MILR1: variants seen among roughly 807,000 people sequenced by gnomAD.
MILR1 encodes the protein mast cell immunoglobulin like receptor 1.
In MILR1, 31 loss-of-function variants were observed where a neutral mutation model predicts 18.5. The ratio of observed to expected loss-of-function variants is 1.68; its 90% CI spans 1.26 to 2.26. MILR1 has a LOEUF of 2.26. Among genes scored for constraint, MILR1 ranks in the 30% most tolerant of loss-of-function variants. MILR1 has a pLI of 0.00. For synonymous variants in MILR1, 85 were observed against 56.2 expected (o/e 1.51, Z -2.30); for missense variants, 257 against 157.4 (o/e 1.63, Z -3.38).
chr17:64,480,299 G>A, the MILR1 span: 239 of 1,522,862 alleles, frequency 1.6e-4, 1 homozygote, highest in East Asian at 4.6e-3. Context: ...TTCGAATAAA[G>A]TTGTTCCAAT....
chr17:64,469,868 T>C (rs1475930092), downstream of MILR1, among the ~76,000 whole-genome samples: 4 of 152,154 alleles, frequency 2.6e-5, no homozygotes, highest in African/African-American at 9.7e-5. Context: ...CCTGTCAGGC[T>C]CTACTGAGAC....
the MILR1 span, among the ~76,000 whole-genome samples, chr17:64,479,897 C>T: frequency 0.28 from 42,127 of 152,066 alleles, 11,244 homozygotes; most frequent in African/African-American, 0.7. Flanking sequence ...TAGAACAGAC[C>T]ATCCCTCCAG....
chr17:64,481,406 C>T, the MILR1 span: 12 of 985,246 alleles, frequency 1.2e-5, no homozygotes, highest in Admixed American at 6.1e-4. Flanking sequence ...TGGGCTGGGT[C>T]TCAATCACCC....
chr17:64,458,754 T>C (rs1436977524), intron 4 of MILR1, among the ~76,000 whole-genome samples: 2 of 151,874 alleles, frequency 1.3e-5, no homozygotes, highest in Admixed American at 6.6e-5. Flanking sequence ...ACTTTTCTGC[T>C]CCACACTCTA....
chr17:64,489,932 T>G, the MILR1 span, among the ~76,000 whole-genome samples: 4 of 140,478 alleles, frequency 2.8e-5, no homozygotes, highest in Non-Finnish European at 3.1e-5. Flanking sequence ...AATTTTTTTG[T>G]TTTTTTTTTT....
At chr17:64,463,167 A>G (rs1013019020) in intron 5 of MILR1, among the ~76,000 whole-genome samples, 15 of 152,072 alleles carry the variant, frequency 9.9e-5, no homozygotes, top group African/African-American at 3.4e-4. Flanking sequence ...CCTCAGTTAC[A>G]GCTTTTTTAA....
At chr17:64,462,084 T>G (rs1273666150) in intron 5 of MILR1, among the ~76,000 whole-genome samples, 1 of 152,186 alleles carries the variant, frequency 6.6e-6, no homozygotes, top group East Asian at 1.9e-4. Context: ...GTGAAATTAT[T>G]AATGTTTTTA....
chr17:64,467,677 G>T, intron 9 of MILR1, 32 bp downstream of exon 9: 1 of 1,383,446 alleles, frequency 7.2e-7, no homozygotes, highest in South Asian at 1.3e-5. Flanking sequence ...TGATTTCCAT[G>T]AACAAAAAGC....
At chr17:64,459,921 CT>C (rs1242826061) in intron 4 of MILR1, among the ~76,000 whole-genome samples, 2 of 152,150 alleles carry the variant, frequency 1.3e-5, no homozygotes, top group East Asian at 3.9e-4. Flanking sequence ...CTTTTCTCTT[CT>C]TTGGGTGGCC....
intron 4 of MILR1, among the ~76,000 whole-genome samples, chr17:64,459,374 A>G (rs1198922835): frequency 6.6e-6 from 1 of 152,146 alleles, no homozygotes; most frequent in Admixed American, 6.6e-5. Context: ...TCGAGGCTGC[A>G]GTGAGCTGTG....
the MILR1 span, among the ~76,000 whole-genome samples, chr17:64,486,317 C>G: frequency 6.6e-6 from 1 of 151,530 alleles, no homozygotes; most frequent in African/African-American, 2.4e-5. Flanking sequence ...CAGACTATTT[C>G]TTTAATGCTT....
the MILR1 span, chr17:64,491,637 CAA>C: frequency 3.7e-4 from 554 of 1,488,904 alleles, no homozygotes; most frequent in Non-Finnish European, 5.0e-4. Flanking sequence ...TGGAGCGTTT[CAA>C]AGAGGTTACT....
the MILR1 span, among the ~76,000 whole-genome samples, chr17:64,486,513 C>T: frequency 6.6e-6 from 1 of 151,986 alleles, no homozygotes; most frequent in African/African-American, 2.4e-5. Context: ...AGGCACACAC[C>T]ACCATGTCTG....
the MILR1 span, chr17:64,497,143 C>A: frequency 2.9e-6 from 2 of 694,866 alleles, no homozygotes; most frequent in Non-Finnish European, 5.1e-6. Context: ...CGCAGCCGTC[C>A]CCCGCCCACC....
At chr17:64,495,104 G>T in the MILR1 span, among the ~76,000 whole-genome samples, 5 of 151,278 alleles carry the variant, frequency 3.3e-5, no homozygotes, top group African/African-American at 1.2e-4. Flanking sequence ...CGTGAACCTG[G>T]GAGATGGAGC....
the MILR1 span, chr17:64,493,052 A>G: frequency 6.2e-7 from 1 of 1,612,518 alleles, no homozygotes. Flanking sequence ...CATTGTATAC[A>G]TCTAGTCCAC....
the MILR1 span, chr17:64,497,101 C>T: frequency 7.6e-6 from 7 of 919,378 alleles, no homozygotes; most frequent in African/African-American, 3.3e-5. Context: ...GGCGGCAGGC[C>T]CCACCCCGGA....
chr17:64,482,540 G>A, the MILR1 span, among the ~76,000 whole-genome samples: 1 of 152,082 alleles, frequency 6.6e-6, no homozygotes, highest in East Asian at 1.9e-4. Flanking sequence ...GGATGGTCTC[G>A]ATCTCTTGAC....
At chr17:64,493,349 C>T in the MILR1 span, among the ~76,000 whole-genome samples, 1 of 151,878 alleles carries the variant, frequency 6.6e-6, no homozygotes, top group African/African-American at 2.4e-5. Flanking sequence ...TCTGGGAGGC[C>T]AAGGTTGCAG....
Sources: allele counts gnomAD v4.1 joint callset (sites outside exome capture counted in the v4.1 genomes callset), GRCh38; gene constraint gnomAD v4.1.1; transcripts MANE v1.5; gene names NCBI Gene and HGNC (gene_info 2026-07-23, HGNC 2026-07-21).